Variants in ITPR1 observed in about 807,000 individuals in gnomAD.
ITPR1 encodes inositol 1,4,5-trisphosphate-gated calcium channel ITPR1.
Under a neutral mutation model 318.4 loss-of-function variants are expected in ITPR1, and 96 were observed. That is an observed-to-expected ratio of 0.30 (90% CI 0.26 to 0.36). The LOEUF (loss-of-function observed/expected upper bound fraction) is 0.36, where lower values mean the gene tolerates loss of function less well. Among genes scored for constraint, ITPR1 ranks in the 10% least tolerant of loss-of-function variants. The pLI, the probability that ITPR1 is intolerant of heterozygous loss-of-function variation, is 1.00. For missense variants in ITPR1, 2,440 were observed against 3,460.2 expected (o/e 0.71, Z 7.40); for synonymous variants, 1,312 against 1,289.9 (o/e 1.02, Z -0.37).
intron 4 of ITPR1, among the ~76,000 whole-genome samples, chr3:4,624,116 T>TC (rs980083724): frequency 3.3e-5 from 5 of 152,108 alleles, no homozygotes; most frequent in African/African-American, 1.2e-4. Flanking sequence ...ACCCTGAGTG[T>TC]CCCCCACATC....
intron 12 of ITPR1, among the ~76,000 whole-genome samples, chr3:4,657,887 G>C (rs2093748665): frequency 6.6e-6 from 1 of 152,194 alleles, no homozygotes; most frequent in African/African-American, 2.4e-5. Context: ...TTACAGGTGT[G>C]AGCCACCGTG....
chr3:4,764,829 T>G lies in ITPR1; in HGVS notation c.5545-1701T>G, dbSNP rs2045700312. ...TGGTGATTGTTGAATTACTATGTGT[T>G]TTCCTCCTGAGGCTGTCAATTTCAT... On this transcript the variant is annotated intron_variant, in intron 44 of 61. Coordinates refer to ENST00000649015, the MANE Select transcript of ITPR1 (RefSeq NM_001378452.1). Among the ~76,000 whole-genome samples, 5 of 152,204 alleles carry G rather than the reference T, an allele frequency of 3.3e-5. No individual in the cohort carries two copies. In the South Asian group the frequency reaches 1.0e-3, roughly 31 times the overall value.
chr3:4,507,126 C>G (rs1186750630), intron 2 of ITPR1, among the ~76,000 whole-genome samples: 2 of 141,002 alleles, frequency 1.4e-5, no homozygotes, highest in Non-Finnish European at 3.0e-5. Flanking sequence ...TTGCGAATCA[C>G]TTTGAGGTCT....
chr3:4,514,146 A>C (rs1310839300), intron 2 of ITPR1, among the ~76,000 whole-genome samples: 3 of 151,668 alleles, frequency 2.0e-5, no homozygotes, highest in Non-Finnish European at 4.4e-5. Context: ...CCTGCTTACT[A>C]ATTTTATGTG....
At chr3:4,759,689 G>A (rs2045292856) in intron 44 of ITPR1, among the ~76,000 whole-genome samples, 1 of 152,226 alleles carries the variant, frequency 6.6e-6, no homozygotes, top group Non-Finnish European at 1.5e-5. Context: ...CTTTTATCTA[G>A]CGGCGTCTTT....
In ITPR1 at chr3:4,691,251, C is replaced by T. The variant is rs770782177; in HGVS notation, c.3936C>T (p.His1312=). ...ACTTCGTTCACTGCATAGAGACTCACGGTCGGAATGTCCAGTATATAAAGT... is the reference window on the plus strand; with the variant it reads ...ACTTCGTTCACTGCATAGAGACTCATGGTCGGAATGTCCAGTATATAAAGT... ...VQHFVHCIET[H]GRNVQYIKFL... is the part of the protein sequence containing the mutation. Residue 1312 remains histidine, a synonymous_variant, in exon 32 of 62, where the codon CAC becomes CAT. Coordinates refer to ENST00000649015, the MANE Select transcript of ITPR1 (RefSeq NM_001378452.1). 2.9e-5 allele frequency: 47 copies of T among 1,612,474 alleles called. 1 individual carries two copies. The South Asian group carries it at 3.4e-4, about 12-fold the overall frequency.
chr3:4,512,195 CT>C (rs1308375257), intron 2 of ITPR1, among the ~76,000 whole-genome samples: 2 of 152,126 alleles, frequency 1.3e-5, no homozygotes, highest in African/African-American at 4.8e-5. Flanking sequence ...TCTCAAACTC[CT>C]TGCTTCAAGC....
intron 60 of ITPR1, among the ~76,000 whole-genome samples, chr3:4,830,239 G>A (rs2050384907): frequency 6.6e-6 from 1 of 151,828 alleles, no homozygotes; most frequent in South Asian, 2.1e-4. Context: ...GCCTCCCAAA[G>A]CGCTGGGATT....
chr3:4,667,443 A>G lies in ITPR1; in HGVS notation c.1780A>G (p.Thr594Ala). 2 of 1,613,658 alleles carry G rather than the reference A, an allele frequency of 1.2e-6. No homozygotes were observed. Among genetic ancestry groups the G allele is most frequent in the Non-Finnish European group, 1.7e-6 (2 of 1,179,758 alleles). Reference sequence around the variant, plus strand: ...TGGCTATGATGTGTTGGCTGAAGACACTATCACTGCCCTGCTCCACAATAA... The same window carrying G: ...TGGCTATGATGTGTTGGCTGAAGACGCTATCACTGCCCTGCTCCACAATAA... ...QIGYDVLAED[T>A]ITALLHNNRK... Residue 594 changes from threonine to alanine, a missense_variant, in exon 18 of 62, where the codon ACT (threonine) becomes GCT (alanine). By Grantham distance (58) the Thr-to-Ala change is moderately conservative (BLOSUM62 0). Coordinates refer to ENST00000649015, the MANE Select transcript of ITPR1 (RefSeq NM_001378452.1).
At chr3:4,508,544 G>A (rs1452722988) in intron 2 of ITPR1, among the ~76,000 whole-genome samples, 1 of 147,784 alleles carries the variant, frequency 6.8e-6, no homozygotes. Context: ...TTCAATAAGT[G>A]AGTTTTCTGC....
At chr3:4,648,311 A>G (rs1394095507) in intron 10 of ITPR1, among the ~76,000 whole-genome samples, 5 of 152,094 alleles carry the variant, frequency 3.3e-5, no homozygotes, top group South Asian at 2.1e-4. Flanking sequence ...TAGTTACTCT[A>G]TGTGTCTACA....
At chr3:4,536,666 C>G (rs1013918911) in intron 4 of ITPR1, among the ~76,000 whole-genome samples, 2 of 152,320 alleles carry the variant, frequency 1.3e-5, no homozygotes, top group East Asian at 3.9e-4. Flanking sequence ...TCTATGCCAT[C>G]AGATCACTGT....
intron 4 of ITPR1, among the ~76,000 whole-genome samples, chr3:4,579,959 C>G (rs1445287122): frequency 6.6e-6 from 1 of 152,094 alleles, no homozygotes; most frequent in Non-Finnish European, 1.5e-5. Flanking sequence ...GCCTGTAATC[C>G]CAGCACTTTG....
rs529877180 is a variant in ITPR1 at position 4,839,246 on chromosome 3, G to C, written c.8190+2311G>C. On this transcript the variant is annotated intron_variant, in intron 61 of 61. Coordinates refer to ENST00000649015, the MANE Select transcript of ITPR1 (RefSeq NM_001378452.1). ...GGAGGCTGAGGCAGGAGAATCGCTT[G>C]AACCCAGGAGGCGGAGGTTGTGGTG... 8.5e-5 allele frequency among the ~76,000 whole-genome samples: 13 copies of C among 152,146 alleles called. 1 individual carries two copies. The South Asian group carries it at 2.7e-3, about 32-fold the overall frequency.
chr3:4,716,142 TA>T (rs1274923868), intron 39 of ITPR1, among the ~76,000 whole-genome samples: 1 of 152,226 alleles, frequency 6.6e-6, no homozygotes, highest in Non-Finnish European at 1.5e-5. Flanking sequence ...ATCAGGACTT[TA>T]TAAACACTCT....
chr3:4,673,877 T>TG (rs370381734), intron 21 of ITPR1, among the ~76,000 whole-genome samples: 5 of 152,220 alleles, frequency 3.3e-5, no homozygotes, highest in African/African-American at 1.2e-4. Context: ...CCACCGCGCC[T>TG]GGCCCCGATT....
intron 54 of ITPR1, among the ~76,000 whole-genome samples, chr3:4,803,366 G>C (rs1344561770): frequency 2.0e-5 from 3 of 152,174 alleles, no homozygotes; most frequent in African/African-American, 7.2e-5. Flanking sequence ...GGTAATGAAG[G>C]AGGCAAATAT....
At chr3:4,675,020 G>C in intron 22 of ITPR1, 48 bp from the exon 23 acceptor site, 1 of 998,660 alleles carries the variant, frequency 1.0e-6, no homozygotes, top group Non-Finnish European at 1.5e-6. Flanking sequence ...AATTGAAGGG[G>C]ATGCAGTTTA....
intron 4 of ITPR1, among the ~76,000 whole-genome samples, chr3:4,582,448 C>A (rs569986576): frequency 6.6e-6 from 1 of 152,122 alleles, no homozygotes; most frequent in Non-Finnish European, 1.5e-5. Context: ...TCTCCCCACG[C>A]GTCCATGTGT....
Sources: gnomAD v4.1 joint callset for allele counts (sites outside exome capture counted in the v4.1 genomes callset) on GRCh38, gnomAD v4.1.1 for gene constraint, MANE v1.5 for transcripts, NCBI Gene and HGNC (gene_info 2026-07-23, HGNC 2026-07-21) for gene names.